GCKR: variants seen among roughly 807,000 people sequenced by gnomAD.
The protein encoded by GCKR is glucokinase regulator, also known as glucokinase regulatory protein.
A neutral mutation model predicts 82.9 loss-of-function variants in GCKR; 73 were observed. The observed-to-expected ratio is 0.88, with a 90% CI of 0.73 to 1.07. The LOEUF (loss-of-function observed/expected upper bound fraction) is 1.07. GCKR is among the 50% of genes least tolerant of loss of function. The probability of loss-of-function intolerance (pLI) is 0.00; values close to 1 mark genes in which losing one functional copy is unlikely to be tolerated. For missense variants in GCKR, 784 were observed against 782.1 expected (o/e 1.00, Z -0.03); for synonymous variants, 294 against 291.8 (o/e 1.01, Z -0.08).
chr2:27,516,092 T>A (rs1669998154), intron 16 of GCKR, among the ~76,000 whole-genome samples: 1 of 151,636 alleles, frequency 6.6e-6, no homozygotes, highest in South Asian at 2.1e-4. Context: ...ATAATTTTTT[T>A]AAGTTCATCT....
At chr2:27,507,481 G>T in intron 13 of GCKR, 170 bp downstream of exon 13, 1 of 693,720 alleles carries the variant, frequency 1.4e-6, no homozygotes, top group South Asian at 1.6e-5. Context: ...AGTGTGGAAA[G>T]CTCTAGATCC....
intron 15 of GCKR, 46 bp from the exon 16 acceptor site, chr2:27,508,122 G>T: frequency 6.3e-7 from 1 of 1,585,268 alleles, no homozygotes; most frequent in Non-Finnish European, 8.7e-7. Flanking sequence ...GTTGCAGCCA[G>T]GCCTTCCTGG....
chr2:27,503,863 G>C (rs1212620196), intron 9 of GCKR, among the ~76,000 whole-genome samples: 2 of 152,136 alleles, frequency 1.3e-5, no homozygotes, highest in Non-Finnish European at 2.9e-5. Context: ...CAGCGGTCTG[G>C]GACAGTTTCT....
At position 27,523,595 on chromosome 2, in the gene GCKR, G is replaced by A. The variant is rs1670204210; in HGVS notation, c.*156G>A. The A allele has an allele frequency of 2.8e-6, 2 of 715,308 alleles. No individual in the cohort carries two copies. Among genetic ancestry groups the A allele is most frequent in the Non-Finnish European group, 4.8e-6 (2 of 413,246 alleles). The allele number at this position is 715,308 out of a possible 1,614,324, so 44.3% of individuals were successfully genotyped here. A position where few individuals can be genotyped will look rare whatever the true frequency, so the allele number is the denominator to read the frequency against. On this transcript the variant is annotated 3_prime_UTR_variant, in exon 19 of 19. Transcript: ENST00000264717. Reference sequence around the variant, plus strand: ...AGGGAGAAATATTCTCTCCACTTTGGGGGAGAGTTCTTGCTCTCGACCTAG... The same window carrying A: ...AGGGAGAAATATTCTCTCCACTTTGAGGGAGAGTTCTTGCTCTCGACCTAG...
intron 7 of GCKR, among the ~76,000 whole-genome samples, chr2:27,500,757 C>T (rs1023259610): frequency 1.3e-5 from 2 of 152,174 alleles, no homozygotes; most frequent in Non-Finnish European, 2.9e-5. Context: ...CAGATGACTC[C>T]AAGTTTCCTC....
intron 16 of GCKR, among the ~76,000 whole-genome samples, chr2:27,515,135 G>A (rs1375016250): frequency 6.6e-6 from 1 of 152,074 alleles, no homozygotes; most frequent in South Asian, 2.1e-4. Context: ...CCAGCACCAT[G>A]CACAGTTAAT....
chr2:27,514,490 A>G (rs1669959089), intron 16 of GCKR, among the ~76,000 whole-genome samples: 2 of 152,148 alleles, frequency 1.3e-5, no homozygotes, highest in African/African-American at 4.8e-5. Flanking sequence ...ATAAGTTTGC[A>G]CTTCCTATAC....
chr2:27,498,243 T>G lies in GCKR; in HGVS notation c.286-12T>G, dbSNP rs753722189. ...CCAGGCCCTGGTAATATATGCCTCT[T>G]TCCTTCTTCAGGAGCCAGATGGGGG... On this transcript the variant is annotated splice_polypyrimidine_tract_variant and intron_variant, in intron 3 of 18. Coordinates refer to ENST00000264717, the MANE Select transcript of GCKR (RefSeq NM_001486.4). 7.5e-6 allele frequency: 12 copies of G among 1,607,588 alleles called. No individual in the cohort carries two copies. The highest frequency in any genetic ancestry group is 1.0e-5 in the Non-Finnish European group (12 of 1,174,084).
At chr2:27,519,789 A>G (rs1670107436) in intron 17 of GCKR, among the ~76,000 whole-genome samples, 1 of 152,178 alleles carries the variant, frequency 6.6e-6, no homozygotes, top group African/African-American at 2.4e-5. Flanking sequence ...ACTGTTCTCC[A>G]GAGCAAGGGA....
intron 16 of GCKR, chr2:27,509,703 A>AT (rs148527487): frequency 0.14 from 21,718 of 153,554 alleles, 1,770 homozygotes; most frequent in East Asian, 0.34. Context: ...TTATAGATAC[A>AT]TTTTTTATAG....
chr2:27,496,920 C>T lies in GCKR; in HGVS notation c.16C>T (p.Arg6Trp), dbSNP rs148413763. 40 of 1,613,784 alleles carry T rather than the reference C, an allele frequency of 2.5e-5. No individual in the cohort carries two copies. In the South Asian group the frequency reaches 2.9e-4, roughly 12 times the overall value. The part of the protein sequence containing the change: MPGTK[R>W]FQHVIETPEP... ...GCGTGGGACCATGCCAGGCACAAAA[C>T]GGTTTCAACATGTCATTGAGACCCC... The change falls in exon 1 of 19, where the codon CGG (arginine) becomes TGG (tryptophan). Residue 6 changes from arginine to tryptophan, a missense_variant. Coordinates refer to ENST00000264717, the MANE Select transcript of GCKR (RefSeq NM_001486.4).
chr2:27,509,255 C>T (rs773971629), intron 16 of GCKR, among the ~76,000 whole-genome samples: 23 of 152,312 alleles, frequency 1.5e-4, no homozygotes, highest in Non-Finnish European at 2.9e-4. Context: ...AGCTGAAACA[C>T]TGACTTACCT....
intron 13 of GCKR, 43 bp from the exon 14 acceptor site, chr2:27,507,638 A>G (rs1201488660): frequency 2.0e-6 from 2 of 1,024,260 alleles, no homozygotes; most frequent in Non-Finnish European, 3.1e-6. Context: ...TGTGCTTTAG[A>G]GTGTTTTCAT....
rs201835098 is a variant in GCKR at position 27,522,500 on chromosome 2, T to G, written c.1613T>G (p.Leu538Arg). The part of the protein sequence containing the change: ...GQSKARCIES[L>R]LRAIHFPQPL... ...TCCAAGGCTCGATGCATCGAGAGCC[T>G]CCTCCGAGCGATCCACTTTCCCCAG... The change falls in exon 18 of 19, where the codon CTC (leucine) becomes CGC (arginine). Residue 538 changes from leucine to arginine, a missense_variant. By Grantham distance (102) the Leu-to-Arg change is moderately radical. Coordinates refer to ENST00000264717, the MANE Select transcript of GCKR (RefSeq NM_001486.4). The G allele has an allele frequency of 1.3e-5, 21 of 1,613,130 alleles. No homozygotes were observed. Among genetic ancestry groups the G allele is most frequent in the African/African-American group, 1.3e-5 (1 of 75,008 alleles).
At chr2:27,507,195 T>TAGC in intron 12 of GCKR, 40 bp from the exon 13 acceptor site, 1 of 1,359,090 alleles carries the variant, frequency 7.4e-7, no homozygotes, top group Non-Finnish European at 1.1e-6. Flanking sequence ...CTTTCCTATA[T>TAGC]AGCCAATCAC....
In GCKR at chr2:27,507,693, A is replaced by G; in HGVS notation, c.1156A>G (p.Thr386Ala). Residue 386 changes from threonine (T) to alanine (A), a missense_variant, in exon 14 of 19, where the codon ACC becomes GCC. Thr to Ala is a moderately conservative substitution (Grantham distance 58, BLOSUM62 0). Coordinates refer to ENST00000264717, the MANE Select transcript of GCKR (RefSeq NM_001486.4). The part of the protein sequence containing the change: ...AELTNQGPQF[T>A]FSQEDFLTSI... ...TCTTCTGCCCCAGGGTCCCCAGTTC[A>G]CCTTCTCCCAGGAGGACTTCCTGAC... 1.3e-6 allele frequency: 2 copies of G among 1,597,882 alleles called. No individual in the cohort carries two copies. Among genetic ancestry groups the G allele is most frequent in the Non-Finnish European group, 1.7e-6 (2 of 1,165,926 alleles).
Position 27,497,283 on chromosome 2 carries a change from T to G in GCKR, c.100T>G (p.Ser34Ala). 6.2e-7 allele frequency: 1 copy of G among 1,614,048 alleles called. No individual in the cohort carries two copies. Among genetic ancestry groups the G allele is most frequent in the Non-Finnish European group, 8.5e-7 (1 of 1,180,006 alleles). ...YEAAVPITEK[S>A]NPLTQDLDKA... ...GGCAGCTGTGCCAATCACGGAGAAGTCAAACCCACTGACCCAGGATCTAGA... is the reference window on the plus strand; with the variant it reads ...GGCAGCTGTGCCAATCACGGAGAAGGCAAACCCACTGACCCAGGATCTAGA... Residue 34 changes from serine to alanine, a missense_variant, in exon 2 of 19, where the codon TCA (serine) becomes GCA (alanine). Physicochemically the swap from Ser to Ala is moderately conservative, Grantham distance 99. Transcript: ENST00000264717.
chr2:27,508,172 C>T lies in GCKR; in HGVS notation c.1343C>T (p.Pro448Leu), dbSNP rs769677339. 2 of 1,607,974 alleles carry T rather than the reference C, an allele frequency of 1.2e-6. No homozygotes were observed. The highest frequency in any genetic ancestry group is 1.7e-6 in the Non-Finnish European group (2 of 1,174,542). Residue 448 changes from proline to leucine, a missense_variant, in exon 16 of 19, where the codon CCT (proline) becomes CTT (leucine). Coordinates refer to ENST00000264717, the MANE Select transcript of GCKR (RefSeq NM_001486.4). ...CTCCTCTTTCTCTCTCTCCAGATCCCTCTGAAGAAGCTCTTTCCCTCCATC... is the reference window on the plus strand; with the variant it reads ...CTCCTCTTTCTCTCTCTCCAGATCCTTCTGAAGAAGCTCTTTCCCTCCATC... The part of the protein sequence containing the change: ...HSTVGQTLLI[P>L]LKKLFPSIIS...
chr2:27,507,983 T>C lies in GCKR; in HGVS notation c.1247T>C (p.Leu416Pro). The C allele has an allele frequency of 1.2e-6, 2 of 1,610,114 alleles. No homozygotes were observed. The highest frequency in any genetic ancestry group is 8.5e-7 in the Non-Finnish European group (1 of 1,176,932). The change falls in exon 15 of 19, where the codon CTC becomes CCC. Residue 416 changes from leucine (L) to proline (P), a missense_variant. Coordinates refer to ENST00000264717, the MANE Select transcript of GCKR (RefSeq NM_001486.4). The part of the protein sequence containing the change: ...VVFIFTLDDN[L>P]TEVQTIVEQV... ...TGCCCTCCCCTTCTCCTAGACAACC[T>C]CACGGAGGTGCAGACTATAGTGGAG...
Sources: gnomAD v4.1 joint callset for allele counts (sites outside exome capture counted in the v4.1 genomes callset) on GRCh38, gnomAD v4.1.1 for gene constraint, MANE v1.5 for transcripts, NCBI Gene and HGNC (gene_info 2026-07-23, HGNC 2026-07-21) for gene names.